Variants in GRID1 observed in about 807,000 individuals in gnomAD.
GRID1 encodes glutamate receptor ionotropic, delta-1.
A neutral mutation model predicts 98.0 loss-of-function variants in GRID1; 28 were observed. That is an observed-to-expected ratio of 0.29 (90% CI 0.21 to 0.39). GRID1 has a LOEUF of 0.39. Among genes scored for constraint, GRID1 ranks in the 10% least tolerant of loss-of-function variants. The pLI, the probability that GRID1 is intolerant of heterozygous loss-of-function variation, is 1.00. For synonymous variants in GRID1, 553 were observed against 538.5 expected, an observed-to-expected ratio of 1.03 and a Z score of -0.37; for missense variants, 1,111 against 1,340.5, an observed-to-expected ratio of 0.83 and a Z score of 2.67.
intron 2 of GRID1, among the ~76,000 whole-genome samples, chr10:86,299,110 G>A (rs1370012491): frequency 1.3e-5 from 2 of 151,752 alleles, no homozygotes; most frequent in Non-Finnish European, 2.9e-5. Flanking sequence ...GCTCAGAGAG[G>A]TAACGTCACA....
At chr10:86,214,568 G>A (rs1456133066) in intron 2 of GRID1, among the ~76,000 whole-genome samples, 2 of 152,142 alleles carry the variant, frequency 1.3e-5, no homozygotes, top group Non-Finnish European at 2.9e-5. Flanking sequence ...GCACAGCACA[G>A]CAGAGCAAGA....
At chr10:85,866,627 A>G (rs1262947320) in intron 6 of GRID1, among the ~76,000 whole-genome samples, 2 of 152,152 alleles carry the variant, frequency 1.3e-5, no homozygotes, top group African/African-American at 4.8e-5. Context: ...GAGATACTCA[A>G]CTGTACTGCT....
intron 8 of GRID1, among the ~76,000 whole-genome samples, chr10:85,812,513 T>C (rs1842680838): frequency 6.6e-6 from 1 of 152,070 alleles, no homozygotes; most frequent in Admixed American, 6.6e-5. Flanking sequence ...ATGATTAGCA[T>C]TTTATTATTT....
At chr10:85,943,820 G>A (rs559877029) in intron 4 of GRID1, among the ~76,000 whole-genome samples, 57 of 152,312 alleles carry the variant, frequency 3.7e-4, no homozygotes, top group Non-Finnish European at 6.8e-4. Flanking sequence ...GTGATAGATC[G>A]CAAACAATGG....
chr10:85,818,720 T>C (rs1006058745), intron 8 of GRID1, among the ~76,000 whole-genome samples: 1 of 136,886 alleles, frequency 7.3e-6, no homozygotes, highest in Non-Finnish European at 1.5e-5. Flanking sequence ...AATGTAGCAA[T>C]AGTAATTTTT....
chr10:85,751,065 G>C (rs984954719), intron 8 of GRID1, among the ~76,000 whole-genome samples: 1 of 152,162 alleles, frequency 6.6e-6, no homozygotes, highest in Admixed American at 6.5e-5. Context: ...CCCAGAGGGG[G>C]CTCTGGGAGA....
intron 2 of GRID1, among the ~76,000 whole-genome samples, chr10:86,357,003 G>T (rs918459555): frequency 6.6e-5 from 10 of 152,248 alleles, no homozygotes; most frequent in African/African-American, 2.4e-4. Context: ...AGAGGTGACT[G>T]TGAGTGCTGA....
chr10:85,993,871 C>T (rs1035465095), intron 4 of GRID1, among the ~76,000 whole-genome samples: 2 of 150,784 alleles, frequency 1.3e-5, no homozygotes, highest in African/African-American at 2.4e-5. Flanking sequence ...GACCCCTTTC[C>T]GTCTCTGATG....
chr10:86,093,299 TAAGGTCACACCTC>T (rs1844173837), intron 4 of GRID1, among the ~76,000 whole-genome samples: 1 of 150,868 alleles, frequency 6.6e-6, no homozygotes, highest in Non-Finnish European at 1.5e-5. Context: ...ACAGACAATC[TAAGGTCACACCTC>T]AAGGAACTAG....
At chr10:85,637,345 TA>T (rs1301977773) in intron 13 of GRID1, among the ~76,000 whole-genome samples, 1 of 152,218 alleles carries the variant, frequency 6.6e-6, no homozygotes, top group Non-Finnish European at 1.5e-5. Context: ...CTTATTATTT[TA>T]AAAGTTGATA....
chr10:85,740,984 C>T (rs1451785351), intron 8 of GRID1, among the ~76,000 whole-genome samples: 2 of 152,068 alleles, frequency 1.3e-5, no homozygotes, highest in Non-Finnish European at 2.9e-5. Context: ...GAACTCCTGA[C>T]CCCAGGTGAT....
At chr10:86,311,357 C>T (rs561711327) in intron 2 of GRID1, among the ~76,000 whole-genome samples, 2 of 152,052 alleles carry the variant, frequency 1.3e-5, no homozygotes, top group Non-Finnish European at 2.9e-5. Context: ...GAGACCTAGT[C>T]GGGGCAGCTG....
At chr10:86,057,098 A>G (rs1843585407) in intron 4 of GRID1, among the ~76,000 whole-genome samples, 1 of 152,232 alleles carries the variant, frequency 6.6e-6, no homozygotes. Context: ...AGAACCCTCC[A>G]GTGAGTGGAG....
rs115679160 is a variant in GRID1, at chr10:86,130,942, C to T, written c.726+7877G>A. Among the ~76,000 whole-genome samples the T allele has an allele frequency of 3.4e-3, 524 of 152,304 alleles. 1 individual carries two copies. The highest frequency in any genetic ancestry group is 0.012 in the African/African-American group (500 of 41,576). ...CTGCACCTGCCCGTCTGCGTGCCCCCCATCCCGTAAGGAGCAAGCAGCCAA... is the reference window on the plus strand; with the variant it reads ...CTGCACCTGCCCGTCTGCGTGCCCCTCATCCCGTAAGGAGCAAGCAGCCAA... On this transcript the variant is annotated intron_variant, in intron 4 of 15. Coordinates refer to ENST00000327946, the MANE Select transcript of GRID1 (RefSeq NM_017551.3).
At chr10:85,735,785 G>A (rs1263039512) in intron 8 of GRID1, among the ~76,000 whole-genome samples, 3 of 151,522 alleles carry the variant, frequency 2.0e-5, no homozygotes, top group Non-Finnish European at 4.4e-5. Flanking sequence ...GCGAAGGGAA[G>A]GAGAGAGGAA....
At chr10:86,111,192 T>C (rs1379955607) in intron 4 of GRID1, among the ~76,000 whole-genome samples, 1 of 152,166 alleles carries the variant, frequency 6.6e-6, no homozygotes, top group Non-Finnish European at 1.5e-5. Flanking sequence ...AAACATCCAA[T>C]ATCTCTTTTT....
At position 85,774,049 on chromosome 10, in the gene GRID1, G is replaced by T. The variant is rs1842302152; in HGVS notation, c.1234-44435C>A. Among the ~76,000 whole-genome samples the T allele has an allele frequency of 2.0e-5, 3 of 152,160 alleles. No homozygotes were observed. The South Asian group carries it at 6.2e-4, about 32-fold the overall frequency. ...CTAAGCCAAAAGAACAAAGCTGTAG[G>T]CATCACGCTATCTGACTTCAAACTA... On this transcript the variant is annotated intron_variant, in intron 8 of 15. Transcript: ENST00000327946.
At chr10:85,745,995 A>G (rs1160769802) in intron 8 of GRID1, among the ~76,000 whole-genome samples, 1 of 152,222 alleles carries the variant, frequency 6.6e-6, no homozygotes, top group African/African-American at 2.4e-5. Flanking sequence ...GGATATGAAA[A>G]TTGGTATTGA....
At chr10:86,358,448 T>C (rs1848561417) in intron 2 of GRID1, among the ~76,000 whole-genome samples, 1 of 152,058 alleles carries the variant, frequency 6.6e-6, no homozygotes, top group Non-Finnish European at 1.5e-5. Flanking sequence ...GCATTAAGCT[T>C]GCAAACCAGC....
Sources: gnomAD v4.1 joint callset for allele counts (sites outside exome capture counted in the v4.1 genomes callset) on GRCh38, gnomAD v4.1.1 for gene constraint, MANE v1.5 for transcripts, NCBI Gene and HGNC (gene_info 2026-07-23, HGNC 2026-07-21) for gene names.